The following SCD5 variants were observed in gnomAD, a reference collection of about 807,000 sequenced individuals.
SCD5 encodes stearoyl-CoA desaturase 5.
A neutral mutation model predicts 30.4 loss-of-function variants in SCD5; 20 were observed. That is an observed-to-expected ratio of 0.66 (90% CI 0.46 to 0.96). SCD5 has a LOEUF of 0.96. SCD5 is among the 40% of genes least tolerant of loss of function. The pLI is 0.00. For missense variants in SCD5, 381 were observed against 443.3 expected (o/e 0.86, Z 1.26); for synonymous variants, 173 against 176.4 (o/e 0.98, Z 0.16).
chr4:82,709,123 C>T (rs917634609), intron 1 of SCD5, among the ~76,000 whole-genome samples: 2 of 152,114 alleles, frequency 1.3e-5, no homozygotes, highest in Non-Finnish European at 2.9e-5. Flanking sequence ...TTGCCTGTGC[C>T]CTGGAAGCAG....
At chr4:82,758,816 C>T (rs1474142019) in intron 1 of SCD5, among the ~76,000 whole-genome samples, 1 of 152,176 alleles carries the variant, frequency 6.6e-6, no homozygotes, top group Non-Finnish European at 1.5e-5. Flanking sequence ...GGACTGACAG[C>T]CTCACTCCAC....
At chr4:82,678,729 C>A (rs1728488371) in intron 3 of SCD5, among the ~76,000 whole-genome samples, 1 of 152,090 alleles carries the variant, frequency 6.6e-6, no homozygotes, top group African/African-American at 2.4e-5. Flanking sequence ...TGCCATCATG[C>A]AAAATATATG....
intron 1 of SCD5, among the ~76,000 whole-genome samples, chr4:82,724,234 A>G (rs957894683): frequency 1.1e-4 from 17 of 152,248 alleles, no homozygotes; most frequent in African/African-American, 4.1e-4. Context: ...ACCGAATTTC[A>G]TCTTTCTCTT....
At chr4:82,782,334 T>A (rs1426005769) in intron 1 of SCD5, among the ~76,000 whole-genome samples, 1 of 151,844 alleles carries the variant, frequency 6.6e-6, no homozygotes, top group African/African-American at 2.4e-5. Flanking sequence ...ACAGCAGAAA[T>A]CCTGAAATAC....
At chr4:82,635,090 G>T (rs1727395368) in intron 4 of SCD5, among the ~76,000 whole-genome samples, 1 of 152,192 alleles carries the variant, frequency 6.6e-6, no homozygotes, top group South Asian at 2.1e-4. Context: ...CTTAACAGTA[G>T]GAACTTTCCT....
At chr4:82,783,785 A>G (rs1415122784) in intron 1 of SCD5, among the ~76,000 whole-genome samples, 1 of 151,720 alleles carries the variant, frequency 6.6e-6, no homozygotes. Context: ...CCTGGGCAAC[A>G]AGAGTGAAAC....
intron 1 of SCD5, among the ~76,000 whole-genome samples, chr4:82,742,650 G>T (rs1720900913): frequency 6.6e-6 from 1 of 152,136 alleles, no homozygotes; most frequent in South Asian, 2.1e-4. Context: ...AGCTGGGCAT[G>T]GTGGCTCATG....
In SCD5 at chr4:82,680,976, G is replaced by A. The variant is rs536830112; in HGVS notation, c.364-64C>T. 95 of 1,469,432 alleles carry A rather than the reference G, an allele frequency of 6.5e-5. No individual in the cohort carries two copies. The East Asian group carries it at 2.1e-3, about 33-fold the overall frequency. 91.0% of individuals were successfully genotyped at this position (1,469,432 alleles called of 1,614,324 possible). A position where few individuals can be genotyped will look rare whatever the true frequency, so the allele number is the denominator to read the frequency against. On this transcript the variant is annotated intron_variant, in intron 2 of 4. Coordinates refer to ENST00000319540, the MANE Select transcript of SCD5 (RefSeq NM_001037582.3). ...GCACCGCCGAGCATCCTCCTGGGAA[G>A]CTTCCCAGCCTCCCCTCCCCCACCA...
intron 2 of SCD5, among the ~76,000 whole-genome samples, chr4:82,691,268 C>T (rs1397985287): frequency 1.3e-5 from 2 of 152,284 alleles, no homozygotes; most frequent in East Asian, 1.9e-4. Flanking sequence ...TCAGGTGATC[C>T]ACCTGCCTTG....
At chr4:82,794,883 C>A (rs1344279991) in intron 1 of SCD5, among the ~76,000 whole-genome samples, 1 of 152,052 alleles carries the variant, frequency 6.6e-6, no homozygotes, top group South Asian at 2.1e-4. Flanking sequence ...GATCTCCTGA[C>A]CTTGTGATCA....
chr4:82,638,775 T>A (rs1273130843), intron 3 of SCD5, among the ~76,000 whole-genome samples: 1 of 152,172 alleles, frequency 6.6e-6, no homozygotes, highest in Non-Finnish European at 1.5e-5. Context: ...CAGGTAGAAA[T>A]TGTAGTACTA....
intron 1 of SCD5, among the ~76,000 whole-genome samples, chr4:82,735,703 AATTATCTTACTTGTTTTT>A (rs1216232078): frequency 1.1e-4 from 16 of 152,122 alleles, no homozygotes; most frequent in Non-Finnish European, 1.9e-4. Flanking sequence ...CTGGGTAAAA[AATTATCTTACTTGTTTTT>A]ATTACCGAAA....
At chr4:82,669,700 GA>G (rs1012036127) in intron 3 of SCD5, among the ~76,000 whole-genome samples, 6 of 148,914 alleles carry the variant, frequency 4.0e-5, no homozygotes, top group African/African-American at 1.2e-4. Context: ...GTAAGTATCA[GA>G]AAAAAAAAAT....
chr4:82,696,152 G>C (rs1010008009), intron 2 of SCD5, among the ~76,000 whole-genome samples: 1 of 152,298 alleles, frequency 6.6e-6, no homozygotes, highest in East Asian at 1.9e-4. Context: ...ATAATCAAAT[G>C]CTTCTGCCTT....
intron 2 of SCD5, among the ~76,000 whole-genome samples, chr4:82,701,916 G>A (rs1578028438): frequency 6.6e-6 from 1 of 152,034 alleles, no homozygotes; most frequent in East Asian, 1.9e-4. Context: ...CTTAACTCTT[G>A]GAGAACAGGC....
chr4:82,756,072 A>G (rs1421244584), intron 1 of SCD5, among the ~76,000 whole-genome samples: 2 of 152,240 alleles, frequency 1.3e-5, no homozygotes, highest in Non-Finnish European at 2.9e-5. Context: ...TCCAGGAGGA[A>G]GGGCACAGCC....
chr4:82,698,820 C>A (rs1176600080), intron 2 of SCD5, among the ~76,000 whole-genome samples: 1 of 152,248 alleles, frequency 6.6e-6, no homozygotes, highest in Non-Finnish European at 1.5e-5. Flanking sequence ...GATGCCCCAT[C>A]TTGGGCCTCT....
At position 82,631,298 on chromosome 4, in the gene SCD5, G is replaced by T. The variant is rs1255866155; in HGVS notation, c.*29C>A. The stretch of plus-strand genomic sequence containing the variant: ...CAAAGCCATGAACCGAGGTTGCAAC[G>T]GCAGACATGTGGGATGGCTGTTCCA... On this transcript the variant is annotated 3_prime_UTR_variant, in exon 5 of 5. Transcript: ENST00000319540. 6.2e-7 allele frequency: 1 copy of T among 1,600,952 alleles called. No homozygotes were observed. Among genetic ancestry groups the T allele is most frequent in the African/African-American group, 1.3e-5 (1 of 74,618 alleles).
chr4:82,777,768 T>C (rs1207439267), intron 1 of SCD5, among the ~76,000 whole-genome samples: 1 of 152,166 alleles, frequency 6.6e-6, no homozygotes, highest in Non-Finnish European at 1.5e-5. Flanking sequence ...GGATTCTATA[T>C]AGTCTTAGTA....
Sources: gnomAD v4.1 joint callset for allele counts (sites outside exome capture counted in the v4.1 genomes callset) on GRCh38, gnomAD v4.1.1 for gene constraint, MANE v1.5 for transcripts, NCBI Gene and HGNC (gene_info 2026-07-23, HGNC 2026-07-21) for gene names.